PDPN: variants seen among roughly 807,000 people sequenced by gnomAD.
PDPN encodes podoplanin, also known as PA2.26 antigen.
Under a neutral mutation model 23.2 loss-of-function variants are expected in PDPN, and 12 were observed. That is an observed-to-expected ratio of 0.52 (90% CI 0.33 to 0.84). The LOEUF is 0.84. PDPN is among the 40% of genes least tolerant of loss of function. The pLI is 0.02. For missense variants in PDPN, 199 were observed against 212.2 expected (o/e 0.94, Z 0.39); for synonymous variants, 77 against 76.7 (o/e 1.00, Z -0.02).
chr1:13,597,672 A>G (rs561993745), intron 1 of PDPN, among the ~76,000 whole-genome samples: 4 of 152,064 alleles, frequency 2.6e-5, no homozygotes, highest in East Asian at 3.9e-4. Context: ...ATCTGTTTCT[A>G]CTCTAAATGT....
chr1:13,606,699 A>G (rs79807874), intron 1 of PDPN, among the ~76,000 whole-genome samples: 1,777 of 152,220 alleles, frequency 0.012, 32 homozygotes, highest in African/African-American at 0.041. Flanking sequence ...AGGTAGAGAA[A>G]AAAATAAAAA....
chr1:13,597,603 G>A (rs1172290073), intron 1 of PDPN, among the ~76,000 whole-genome samples: 1 of 152,182 alleles, frequency 6.6e-6, no homozygotes, highest in Non-Finnish European at 1.5e-5. Flanking sequence ...AGGACTTAAC[G>A]AGAGGAAGTC....
At chr1:13,609,934 G>A (rs1640890755) in intron 2 of PDPN, among the ~76,000 whole-genome samples, 1 of 151,968 alleles carries the variant, frequency 6.6e-6, no homozygotes, top group Non-Finnish European at 1.5e-5. Flanking sequence ...TGTGGTGGCG[G>A]GCGCCTGTAA....
At chr1:13,599,015 T>TC (rs1640569996) in intron 1 of PDPN, among the ~76,000 whole-genome samples, 1 of 146,922 alleles carries the variant, frequency 6.8e-6, no homozygotes, top group South Asian at 2.2e-4. Context: ...CCCCTCCTTT[T>TC]TTTTTTTTTT....
At chr1:13,598,966 A>C (rs1640566634) in intron 1 of PDPN, among the ~76,000 whole-genome samples, 1 of 146,602 alleles carries the variant, frequency 6.8e-6, no homozygotes, top group African/African-American at 2.5e-5. Context: ...GGAAGAGGGG[A>C]GGGGTACTCG....
intron 1 of PDPN, among the ~76,000 whole-genome samples, chr1:13,586,763 TAAAA>T (rs34131450): frequency 1.8e-4 from 23 of 125,428 alleles, no homozygotes; most frequent in Admixed American, 2.5e-4. Context: ...ACTCTGCCAT[TAAAA>T]AAAAAAAAAA....
intron 1 of PDPN, among the ~76,000 whole-genome samples, chr1:13,593,311 A>G (rs1283316098): frequency 6.6e-6 from 1 of 152,108 alleles, no homozygotes; most frequent in East Asian, 1.9e-4. Flanking sequence ...AGTTTGAGGT[A>G]AATAGTAAGA....
At chr1:13,603,942 C>T (rs979394374) in intron 1 of PDPN, among the ~76,000 whole-genome samples, 1 of 152,102 alleles carries the variant, frequency 6.6e-6, no homozygotes. Flanking sequence ...GTAAGTGGAT[C>T]GTTTGCTGCC....
intron 5 of PDPN, among the ~76,000 whole-genome samples, chr1:13,615,296 TTC>T (rs1491279405): frequency 0.035 from 4,125 of 118,772 alleles, 190 homozygotes; most frequent in African/African-American, 0.14. Flanking sequence ...CTTTTTCTTT[TTC>T]TTTTTTTTTG....
intron 3 of PDPN, among the ~76,000 whole-genome samples, chr1:13,611,381 C>T (rs879944105): frequency 9.6e-5 from 12 of 124,512 alleles, no homozygotes; most frequent in African/African-American, 2.0e-4. Flanking sequence ...GTGTATATGA[C>T]GGAATATTAT....
At chr1:13,613,594 C>A in intron 3 of PDPN, 93 bp from the exon 4 acceptor site, 1 of 723,478 alleles carries the variant, frequency 1.4e-6, no homozygotes, top group African/African-American at 1.8e-5. Flanking sequence ...TGTTTTGCTG[C>A]TTTCCACTTG....
rs1035625215 is a variant in PDPN at position 13,617,309 on chromosome 1, C to A, written c.*1398C>A. 6.6e-6 allele frequency: 1 copy of A among 152,182 alleles called. No homozygotes were observed. Among genetic ancestry groups the A allele is most frequent in the Admixed American group, 6.5e-5 (1 of 15,280 alleles). 9.4% of individuals were successfully genotyped at this position (152,182 alleles called of 1,614,324 possible). On this transcript the variant is annotated 3_prime_UTR_variant, in exon 6 of 6. Transcript: ENST00000621990. Reference sequence around the variant, plus strand: ...ATTCGGAAGCACAGCCCATTCCTCCCATTTTTTGCAATGATGTCTGGATGT... The same window carrying A: ...ATTCGGAAGCACAGCCCATTCCTCCAATTTTTTGCAATGATGTCTGGATGT...
At chr1:13,610,550 C>T in intron 3 of PDPN, 34 bp downstream of exon 3, 3 of 1,601,638 alleles carry the variant, frequency 1.9e-6, no homozygotes, top group Non-Finnish European at 2.6e-6. Context: ...GGGGGCTGAT[C>T]TACTTTTGCA....
At chr1:13,603,528 A>T (rs1165368148) in intron 1 of PDPN, among the ~76,000 whole-genome samples, 2 of 152,130 alleles carry the variant, frequency 1.3e-5, no homozygotes, top group Non-Finnish European at 2.9e-5. Context: ...AAAAATTAAG[A>T]ACCCCAAGTG....
chr1:13,614,441 G>C (rs761779149), intron 5 of PDPN, 30 bp downstream of exon 5: 1 of 1,097,534 alleles, frequency 9.1e-7, no homozygotes, highest in Non-Finnish European at 1.4e-6. Context: ...CCATGTGATA[G>C]GCAAATGAAA....
chr1:13,606,541 A>C (rs559416370), intron 1 of PDPN, among the ~76,000 whole-genome samples: 2 of 152,150 alleles, frequency 1.3e-5, no homozygotes, highest in African/African-American at 4.8e-5. Flanking sequence ...GGTGGTGAGC[A>C]CTTGTAGTCC....
intron 1 of PDPN, among the ~76,000 whole-genome samples, chr1:13,601,993 TGCCTTTGGGTGGCTC>T (rs1640653076): frequency 9.7e-6 from 1 of 103,540 alleles, no homozygotes; most frequent in African/African-American, 6.2e-5. Flanking sequence ...GGGTGGCTCA[TGCCTTTGGGTGGCTC>T]ATGCCTTTGG....
chr1:13,586,181 G>T (rs1298855102), intron 1 of PDPN, among the ~76,000 whole-genome samples: 1 of 152,092 alleles, frequency 6.6e-6, no homozygotes, highest in Non-Finnish European at 1.5e-5. Flanking sequence ...ACCCACATGT[G>T]CTTTTCCGGG....
At chr1:13,612,874 T>C (rs188182218) in intron 3 of PDPN, among the ~76,000 whole-genome samples, 18 of 116,078 alleles carry the variant, frequency 1.6e-4, no homozygotes, top group South Asian at 7.2e-4. Flanking sequence ...CAGGGCCTGA[T>C]TGATGATTAA....
Sources: allele counts gnomAD v4.1 joint callset (sites outside exome capture counted in the v4.1 genomes callset), GRCh38; gene constraint gnomAD v4.1.1; transcripts MANE v1.5; gene names NCBI Gene and HGNC (gene_info 2026-07-23, HGNC 2026-07-21).